The following ENOX1 variants were observed in gnomAD, a reference collection of about 807,000 sequenced individuals.
ENOX1 encodes candidate growth-related and time keeping constitutive hydroquinone (NADH) oxidase.
A neutral mutation model predicts 82.5 loss-of-function variants in ENOX1; 42 were observed. The ratio of observed to expected loss-of-function variants is 0.51; its 90% CI spans 0.40 to 0.66. The LOEUF (loss-of-function observed/expected upper bound fraction) is 0.66. ENOX1 is among the 30% of genes least tolerant of loss of function. ENOX1 has a pLI of 0.00. For missense variants in ENOX1, 608 were observed against 811.6 expected, an observed-to-expected ratio of 0.75 and a Z score of 3.05; for synonymous variants, 271 against 282.2, an observed-to-expected ratio of 0.96 and a Z score of 0.40.
intron 14 of ENOX1, 131 bp downstream of exon 14, chr13:43,265,267 C>T: frequency 1.5e-6 from 1 of 688,988 alleles, no homozygotes; most frequent in Admixed American, 2.7e-5. Flanking sequence ...CTTGCCAAAC[C>T]CATATATTAA....
chr13:43,318,717 G>C (rs981194823), intron 11 of ENOX1, among the ~76,000 whole-genome samples: 3 of 152,196 alleles, frequency 2.0e-5, no homozygotes, highest in Admixed American at 2.0e-4. Context: ...CGTACTTGGG[G>C]AAAGGCCCAG....
chr13:43,642,217 C>T (rs946464266), intron 2 of ENOX1, among the ~76,000 whole-genome samples: 1 of 152,192 alleles, frequency 6.6e-6, no homozygotes, highest in East Asian at 1.9e-4. Context: ...CTCCAACACA[C>T]AATCACACAT....
intron 2 of ENOX1, among the ~76,000 whole-genome samples, chr13:43,562,741 G>A (rs1040265231): frequency 3.9e-5 from 6 of 152,068 alleles, no homozygotes; most frequent in African/African-American, 1.4e-4. Flanking sequence ...GAACAGGAGT[G>A]GCTATGCTGG....
At chr13:43,589,637 A>ACTTG (rs61452050) in intron 2 of ENOX1, among the ~76,000 whole-genome samples, 1 of 152,116 alleles carries the variant, frequency 6.6e-6, no homozygotes, top group South Asian at 2.1e-4. Flanking sequence ...CCAAGTAGCC[A>ACTTG]GACTATAGGC....
Position 43,360,045 on chromosome 13 carries a change from G to T in ENOX1, c.395C>A (p.Pro132His). The change falls in exon 7 of 17, where the codon CCT becomes CAT. Residue 132 changes from proline to histidine, a missense_variant. Coordinates refer to ENST00000690772, the MANE Select transcript of ENOX1 (RefSeq NM_001347969.2). ...CCCAGGAGGTCGTTCTCTTGTGGAA[G>T]GAGGTGGAAGATCTAATAATCACAA... is the stretch of plus-strand genomic sequence containing the variant. ...LFPQNPNLPPPSTRERPPGCK... is the reference protein window; with the variant it reads ...LFPQNPNLPPHSTRERPPGCK... The T allele has an allele frequency of 6.2e-7, 1 of 1,614,152 alleles. No individual in the cohort carries two copies. Among genetic ancestry groups the T allele is most frequent in the Non-Finnish European group, 8.5e-7 (1 of 1,179,972 alleles).
At chr13:43,355,816 G>A (rs2050111079) in intron 8 of ENOX1, 103 bp downstream of exon 8, 2 of 1,135,902 alleles carry the variant, frequency 1.8e-6, no homozygotes, top group African/African-American at 1.5e-5. Context: ...AGGCATAGCA[G>A]ACATTGTGCT....
chr13:43,362,550 AC>A (rs1421392303), intron 5 of ENOX1, among the ~76,000 whole-genome samples: 1 of 136,046 alleles, frequency 7.4e-6, no homozygotes, highest in African/African-American at 2.8e-5. Context: ...CCTGCCCGCC[AC>A]CCCTGCCCCC....
At chr13:43,593,606 C>G (rs1352559945) in intron 2 of ENOX1, among the ~76,000 whole-genome samples, 1 of 151,480 alleles carries the variant, frequency 6.6e-6, no homozygotes, top group Admixed American at 6.6e-5. Context: ...CGCCCTCACC[C>G]CTGAGGGTCC....
At chr13:43,538,621 C>T (rs1197926120) in intron 2 of ENOX1, among the ~76,000 whole-genome samples, 1 of 152,036 alleles carries the variant, frequency 6.6e-6, no homozygotes, top group African/African-American at 2.4e-5. Context: ...ATATTACTTG[C>T]TAATGTTTTC....
intron 2 of ENOX1, among the ~76,000 whole-genome samples, chr13:43,622,858 G>T (rs1282440093): frequency 6.6e-6 from 1 of 152,116 alleles, no homozygotes. Flanking sequence ...TACTAGGGTG[G>T]GTAGGGAAGG....
At chr13:43,435,113 T>C (rs1359194276) in intron 3 of ENOX1, among the ~76,000 whole-genome samples, 1 of 151,942 alleles carries the variant, frequency 6.6e-6, no homozygotes, top group East Asian at 1.9e-4. Context: ...TATGATGAGA[T>C]CTTACCAGGA....
intron 2 of ENOX1, among the ~76,000 whole-genome samples, chr13:43,593,717 CACACACAG>C (rs1225175507): frequency 1.5e-5 from 2 of 133,746 alleles, no homozygotes; most frequent in Non-Finnish European, 3.3e-5. Context: ...CACACACACA[CACACACAG>C]GCACTCCCTT....
chr13:43,450,336 T>C (rs1448781200), intron 3 of ENOX1, among the ~76,000 whole-genome samples: 1 of 152,130 alleles, frequency 6.6e-6, no homozygotes, highest in Non-Finnish European at 1.5e-5. Flanking sequence ...AAGAAAGAAG[T>C]TTACAAAGGC....
At chr13:43,494,859 G>A (rs2076740928) in intron 2 of ENOX1, among the ~76,000 whole-genome samples, 1 of 152,146 alleles carries the variant, frequency 6.6e-6, no homozygotes, top group South Asian at 2.1e-4. Flanking sequence ...AGTAGGGTTG[G>A]ATGGAAGAAA....
intron 3 of ENOX1, among the ~76,000 whole-genome samples, chr13:43,473,989 C>T (rs9316028): frequency 0.37 from 55,570 of 152,010 alleles, 12,126 homozygotes; most frequent in Non-Finnish European, 0.5. Context: ...AATCTTAAAA[C>T]ATCCTTTTAA....
At chr13:43,766,645 C>T (rs1951290584) in intron 1 of ENOX1, among the ~76,000 whole-genome samples, 1 of 152,134 alleles carries the variant, frequency 6.6e-6, no homozygotes, top group African/African-American at 2.4e-5. Flanking sequence ...TTTAAGGTGA[C>T]AAATAATTAA....
intron 8 of ENOX1, among the ~76,000 whole-genome samples, chr13:43,352,634 T>C (rs573124920): frequency 3.9e-5 from 6 of 152,364 alleles, no homozygotes; most frequent in African/African-American, 7.2e-5. Context: ...TTAAGTTGAA[T>C]TGTCTCGGAA....
chr13:43,492,148 T>C (rs1420386620), intron 2 of ENOX1, among the ~76,000 whole-genome samples: 1 of 152,234 alleles, frequency 6.6e-6, no homozygotes, highest in African/African-American at 2.4e-5. Context: ...CTGAAGGATC[T>C]TTCCAAGACA....
intron 15 of ENOX1, among the ~76,000 whole-genome samples, chr13:43,232,093 C>CTTTTT (rs33932346): frequency 1.8e-4 from 20 of 109,540 alleles, no homozygotes; most frequent in South Asian, 3.2e-4. Context: ...GCCCAGCTAA[C>CTTTTT]TTTTTTTTTT....
Sources: allele counts gnomAD v4.1 joint callset (sites outside exome capture counted in the v4.1 genomes callset), GRCh38; gene constraint gnomAD v4.1.1; transcripts MANE v1.5; gene names NCBI Gene and HGNC (gene_info 2026-07-23, HGNC 2026-07-21).